Variants in LRP1B observed in about 807,000 individuals in gnomAD.
The protein encoded by LRP1B is low-density lipoprotein receptor-related protein 1B.
A neutral mutation model predicts 556.6 loss-of-function variants in LRP1B; 217 were observed. The observed-to-expected ratio is 0.39, with a 90% CI of 0.35 to 0.44. LRP1B has a LOEUF of 0.44. Among genes scored for constraint, LRP1B ranks in the 20% least tolerant of loss-of-function variants. The pLI is 1.00. For synonymous variants in LRP1B, 2,047 were observed against 1,865.8 expected (o/e 1.10, Z -2.50); for missense variants, 5,053 against 5,620.8 (o/e 0.90, Z 3.23).
chr2:142,046,387 T>C (rs1052385095), intron 1 of LRP1B, among the ~76,000 whole-genome samples: 2 of 151,936 alleles, frequency 1.3e-5, no homozygotes, highest in East Asian at 1.9e-4. Context: ...GCAAGAACTA[T>C]GGTACACCAC....
At chr2:141,624,032 T>TAAAAAAAAAAAAAAAAAAAAAA (rs761446527) in intron 2 of LRP1B, among the ~76,000 whole-genome samples, 1 of 14,450 alleles carries the variant, frequency 6.9e-5, no homozygotes, top group Non-Finnish European at 1.7e-4. Flanking sequence ...AAAAAAAAAT[T>TAAAAAAAAAAAAAAAAAAAAAA]AAACAAAAAA....
At chr2:140,715,915 AATAG>A (rs1343295951) in intron 37 of LRP1B, 54 bp downstream of exon 37, 4 of 1,382,094 alleles carry the variant, frequency 2.9e-6, no homozygotes, top group Non-Finnish European at 3.9e-6. Context: ...GTTTTTTTTC[AATAG>A]AACTTAGAAA....
intron 2 of LRP1B, among the ~76,000 whole-genome samples, chr2:141,759,990 G>A (rs1232238522): frequency 1.3e-5 from 2 of 152,088 alleles, no homozygotes; most frequent in African/African-American, 2.4e-5. Context: ...TTAGCCGGGC[G>A]TGGTTGCGTG....
intron 43 of LRP1B, among the ~76,000 whole-genome samples, chr2:140,543,808 T>A (rs2105026620): frequency 6.6e-6 from 1 of 152,120 alleles, no homozygotes; most frequent in East Asian, 1.9e-4. Flanking sequence ...GCTGCTAGAA[T>A]GAATAAATTA....
Position 140,323,871 on chromosome 2 carries a change from CTTCATAATATATTATACTTACAATCTAG to C in LRP1B, c.12508_12514+21del. 8.0e-7 allele frequency: 1 copy of C among 1,245,588 alleles called. No individual in the cohort carries two copies. Among genetic ancestry groups the C allele is most frequent in the Non-Finnish European group, 1.1e-6 (1 of 872,140 alleles). 77.2% of individuals were successfully genotyped at this position (1,245,588 alleles called of 1,614,324 possible). On this transcript the variant is annotated splice_donor_variant and splice_donor_5th_base_variant and coding_sequence_variant and intron_variant, in exon 81 of 91. Transcript: ENST00000389484. LOFTEE classifies it high-confidence loss of function. ...GAAAATAATTTACCAATATAGACAA[CTTCATAATATATTATACTTACAATCTAG>C]TTGTTTATAACGATGAGATATCAAA...
At chr2:140,537,819 T>C (rs1414151244) in intron 45 of LRP1B, among the ~76,000 whole-genome samples, 9 of 152,150 alleles carry the variant, frequency 5.9e-5, no homozygotes, top group Non-Finnish European at 7.4e-5. Context: ...GTTTCATCCT[T>C]ATAATGGCAA....
At chr2:141,724,337 A>T (rs1692949846) in intron 2 of LRP1B, among the ~76,000 whole-genome samples, 1 of 151,934 alleles carries the variant, frequency 6.6e-6, no homozygotes, top group African/African-American at 2.4e-5. Flanking sequence ...ATTTGGTGTA[A>T]TTCCTACCAC....
intron 41 of LRP1B, among the ~76,000 whole-genome samples, chr2:140,644,580 T>A (rs1357937987): frequency 6.6e-6 from 1 of 151,946 alleles, no homozygotes; most frequent in Non-Finnish European, 1.5e-5. Context: ...GCATTTCTTT[T>A]ATTTTTTATT....
chr2:140,767,725 G>T (rs532950292), intron 35 of LRP1B, among the ~76,000 whole-genome samples: 73 of 151,568 alleles, frequency 4.8e-4, no homozygotes, highest in South Asian at 1.7e-3. Context: ...GTATACATGT[G>T]CCATGCTAAC....
At position 142,082,352 on chromosome 2, in the gene LRP1B, G is replaced by T. The variant is rs186884002; in HGVS notation, c.82+48296C>A. On this transcript the variant is annotated intron_variant, in intron 1 of 90. Transcript: ENST00000389484. ...TACTTTGGCTTTTTTTTCTCATTTG[G>T]AAGGTAACTATTAGAAAAGACCACC... is the stretch of plus-strand genomic sequence containing the variant. Among the ~76,000 whole-genome samples, 3 of 152,144 alleles carry T rather than the reference G, an allele frequency of 2.0e-5. No homozygotes were observed. In the East Asian group the frequency reaches 5.8e-4, roughly 29 times the overall value.
chr2:140,668,122 C>G (rs1685344314), intron 41 of LRP1B, among the ~76,000 whole-genome samples: 1 of 151,818 alleles, frequency 6.6e-6, no homozygotes. Context: ...ACCACCCTGG[C>G]TAACATGGTG....
chr2:141,523,661 A>T (rs1228938725), intron 2 of LRP1B, among the ~76,000 whole-genome samples: 1 of 152,172 alleles, frequency 6.6e-6, no homozygotes, highest in Non-Finnish European at 1.5e-5. Context: ...GTAAATTATT[A>T]CATACTTAAA....
chr2:140,267,341 G>C (rs1159794203), intron 86 of LRP1B, among the ~76,000 whole-genome samples: 1 of 151,816 alleles, frequency 6.6e-6, no homozygotes, highest in African/African-American at 2.4e-5. Context: ...AGTATCTGTG[G>C]GGAACTGGTT....
At chr2:140,660,274 T>G (rs988312646) in intron 41 of LRP1B, among the ~76,000 whole-genome samples, 3 of 152,158 alleles carry the variant, frequency 2.0e-5, no homozygotes, top group African/African-American at 2.4e-5. Flanking sequence ...AATGTTAAGT[T>G]AAATACCCAT....
intron 32 of LRP1B, among the ~76,000 whole-genome samples, chr2:140,780,114 T>C (rs1036411894): frequency 6.6e-6 from 1 of 151,574 alleles, no homozygotes; most frequent in Non-Finnish European, 1.5e-5. Flanking sequence ...GGGAAGAAAA[T>C]AGTACAACTA....
chr2:141,456,941 A>G (rs1470104866), intron 3 of LRP1B, among the ~76,000 whole-genome samples: 1 of 152,238 alleles, frequency 6.6e-6, no homozygotes, highest in Non-Finnish European at 1.5e-5. Flanking sequence ...AATTCATAAG[A>G]TAAGTTTAAG....
At chr2:140,622,914 T>A (rs1574154460) in intron 41 of LRP1B, among the ~76,000 whole-genome samples, 1 of 151,820 alleles carries the variant, frequency 6.6e-6, no homozygotes, top group East Asian at 1.9e-4. Context: ...TTACTAACTA[T>A]ATCTTGAAAG....
intron 2 of LRP1B, among the ~76,000 whole-genome samples, chr2:141,754,311 T>C (rs1423815775): frequency 6.6e-6 from 1 of 152,134 alleles, no homozygotes; most frequent in Non-Finnish European, 1.5e-5. Flanking sequence ...CAAGGCACTA[T>C]TATTTTTCCA....
chr2:140,687,979 C>A (rs2105392139), intron 41 of LRP1B, among the ~76,000 whole-genome samples: 1 of 152,212 alleles, frequency 6.6e-6, no homozygotes, highest in Non-Finnish European at 1.5e-5. Flanking sequence ...CTGCTCACTT[C>A]CTGCCATAAA....
Sources: gnomAD v4.1 joint callset for allele counts (sites outside exome capture counted in the v4.1 genomes callset) on GRCh38, gnomAD v4.1.1 for gene constraint, MANE v1.5 for transcripts, NCBI Gene and HGNC (gene_info 2026-07-23, HGNC 2026-07-21) for gene names.